DNAH1: variants seen among roughly 807,000 people sequenced by gnomAD.
DNAH1 encodes the protein dynein axonemal heavy chain 1.
A neutral mutation model predicts 484.3 loss-of-function variants in DNAH1; 327 were observed. That is an observed-to-expected ratio of 0.68 (90% confidence interval 0.62 to 0.74). The LOEUF (loss-of-function observed/expected upper bound fraction) is 0.74, where lower values mean the gene tolerates loss of function less well. Ranked by LOEUF, DNAH1 falls within the 30% of genes least tolerant of loss-of-function variation. DNAH1 has a pLI of 0.00. For synonymous variants in DNAH1, 2,192 were observed against 2,191.9 expected (o/e 1.00, Z 0.00); for missense variants, 5,052 against 5,546.8 (o/e 0.91, Z 2.83).
Position 52,361,682 on chromosome 3 carries a change from C to T in DNAH1, c.4896C>T (p.Phe1632=), listed in dbSNP as rs1299206522. The change falls in exon 30 of 78, where the codon TTC becomes TTT. Residue 1632 remains phenylalanine (F), a synonymous_variant. Transcript: ENST00000420323. The surrounding 1 kb of genome is among the most constrained non-coding windows in gnomAD (Gnocchi z 5.6). ...TCAGTGCTGGGGCCTGGGCCTGCTT[C>T]GACGAGTTCAATCGCATCGACATCG... ...GLASAGAWAC[F]DEFNRIDIEV... is the part of the protein sequence containing the mutation. 2 of 1,608,756 alleles carry T rather than the reference C, an allele frequency of 1.2e-6. No individual in the cohort carries two copies. The highest frequency in any genetic ancestry group is 2.7e-5 in the African/African-American group (2 of 74,944).
At chr3:52,344,202 C>T (rs1340197557) in intron 8 of DNAH1, among the ~76,000 whole-genome samples, 1 of 152,194 alleles carries the variant, frequency 6.6e-6, no homozygotes, top group East Asian at 1.9e-4. Context: ...ACTTCCTGCA[C>T]CCCGTCCCAC....
intron 52 of DNAH1, among the ~76,000 whole-genome samples, chr3:52,384,542 G>A (rs1019212754): frequency 6.6e-6 from 1 of 152,194 alleles, no homozygotes. Flanking sequence ...TTCAAAGCCA[G>A]CCCAGCCCTT....
In DNAH1 at chr3:52,362,986, G is replaced by T. The variant is rs761395939; in HGVS notation, c.5095-9G>T. On this transcript the variant is annotated splice_polypyrimidine_tract_variant and intron_variant, in intron 31 of 77. Transcript: ENST00000420323. The surrounding 1 kb of genome is among the most constrained non-coding windows in gnomAD (Gnocchi z 5.1). ...TGTTTGCTGTTCACATGTGCACTGT[G>T]TGTCCCAGGCGCTCTTCCGACCCGT... The T allele has an allele frequency of 1.1e-4, 175 of 1,613,444 alleles. No homozygotes were observed. Among genetic ancestry groups the T allele is most frequent in the Non-Finnish European group, 1.5e-4 (172 of 1,179,750 alleles).
In DNAH1 at chr3:52,323,880, G is replaced by C; in HGVS notation, c.406G>C (p.Val136Leu). 1.3e-6 allele frequency: 2 copies of C among 1,572,264 alleles called. No homozygotes were observed. Among genetic ancestry groups the C allele is most frequent in the Non-Finnish European group, 1.7e-6 (2 of 1,158,562 alleles). Residue 136 changes from valine (V) to leucine (L), a missense_variant and splice_region_variant, in exon 3 of 78, where the codon GTC becomes CTC. Physicochemically the swap from Val to Leu is conservative, Grantham distance 32. Around this residue, in one of 4 missense-constraint regions of DNAH1, gnomAD observed 1,263 missense variants for 1,218.8 expected, o/e 1.04. Transcript: ENST00000420323. ...QADLDKFTPR[V>L]GSFEVPEDFQ... ...TGACCTTGACAAGTTCACCCCAAGA[G>C]GTCAGTGCTCAGGAGGGCTGTGTGA...
chr3:52,321,179 C>T (rs189009049), intron 1 of DNAH1, among the ~76,000 whole-genome samples: 3 of 144,410 alleles, frequency 2.1e-5, no homozygotes, highest in East Asian at 2.1e-4. Context: ...TGCAATGGCG[C>T]GATCTGAGTT....
At position 52,322,596 on chromosome 3, in the gene DNAH1, C is replaced by T. The variant is rs1278958124; in HGVS notation, c.154C>T (p.Pro52Ser). ...AGGATCAGACTATGGGTTGGGAAAT[C>T]CTCCAGCCCTTGACCCCAAGCTCCC... ...LPGSDYGLGNPPALDPKLPHL... is the reference protein window; with the variant it reads ...LPGSDYGLGNSPALDPKLPHL... Residue 52 changes from proline to serine, a missense_variant, in exon 2 of 78, where the codon CCT becomes TCT. Around this residue, in one of 4 missense-constraint regions of DNAH1, gnomAD observed 1,263 missense variants for 1,218.8 expected, o/e 1.04. Coordinates refer to ENST00000420323, the MANE Select transcript of DNAH1 (RefSeq NM_015512.5). The T allele has an allele frequency of 3.1e-6, 5 of 1,613,770 alleles. No homozygotes were observed. Among genetic ancestry groups the T allele is most frequent in the South Asian group, 1.1e-5 (1 of 91,084 alleles).
Position 52,393,314 on chromosome 3 carries a change from A to G in DNAH1, c.10475-20A>G. ...CTTCCTCTCACCTCTCCGCGCTGCCATCACTTCTCCACTCCACAGACAACC... is the reference window on the plus strand; with the variant it reads ...CTTCCTCTCACCTCTCCGCGCTGCCGTCACTTCTCCACTCCACAGACAACC... On this transcript the variant is annotated intron_variant, in intron 65 of 77. Coordinates refer to ENST00000420323, the MANE Select transcript of DNAH1 (RefSeq NM_015512.5). 2.5e-6 allele frequency: 4 copies of G among 1,612,822 alleles called. No individual in the cohort carries two copies. The highest frequency in any genetic ancestry group is 3.4e-6 in the Non-Finnish European group (4 of 1,178,888).
chr3:52,365,853 G>T (rs1300470084), intron 34 of DNAH1, among the ~76,000 whole-genome samples: 1 of 152,196 alleles, frequency 6.6e-6, no homozygotes, highest in African/African-American at 2.4e-5. Context: ...ACCCTAGCAG[G>T]CTTGTTGAAT....
chr3:52,396,559 G>T, intron 71 of DNAH1, 21 bp downstream of exon 71: 1 of 1,611,994 alleles, frequency 6.2e-7, no homozygotes, highest in Non-Finnish European at 8.5e-7. Context: ...CTTGGTGCAG[G>T]CCTACCCTAC....
At chr3:52,393,534 G>A in intron 66 of DNAH1, 49 bp downstream of exon 66, 1 of 1,606,216 alleles carries the variant, frequency 6.2e-7, no homozygotes, top group Admixed American at 1.7e-5. Context: ...TGGCCCTGTG[G>A]CAGGGCCTGA....
chr3:52,395,534 C>T lies in DNAH1; in HGVS notation c.11128-13C>T, dbSNP rs1328432982. 2.5e-6 allele frequency: 4 copies of T among 1,613,470 alleles called. No individual in the cohort carries two copies. The South Asian group carries it at 3.3e-5, about 13-fold the overall frequency. ...GCAAGCTGGCCCCCTGCTCAGTGCT[C>T]TTGCCCCTGCAGGGCCCTCGGGCAG... On this transcript the variant is annotated splice_polypyrimidine_tract_variant and intron_variant, in intron 69 of 77. Coordinates refer to ENST00000420323, the MANE Select transcript of DNAH1 (RefSeq NM_015512.5). This position sits in a 1 kb window ranked among gnomAD's most constrained non-coding sequence, Gnocchi z 4.4.
In DNAH1 at chr3:52,366,493, C is replaced by T. The variant is rs749418709; in HGVS notation, c.5555C>T (p.Thr1852Met). 10 of 1,602,892 alleles carry T rather than the reference C, an allele frequency of 6.2e-6. No homozygotes were observed. Among genetic ancestry groups the T allele is most frequent in the African/African-American group, 4.0e-5 (3 of 74,622 alleles). ...LTKCIQLYET[T>M]VVRHGLMLVG... ...AAGTGCATCCAGCTCTACGAGACCA[C>T]GGTGGTACGACACGGCCTCATGCTC... Residue 1852 changes from threonine to methionine, a missense_variant, in exon 35 of 78, where the codon ACG (threonine) becomes ATG (methionine). By Grantham distance (81) the Thr-to-Met change is moderately conservative. Around this residue, in one of 4 missense-constraint regions of DNAH1, gnomAD observed 2,929 missense variants for 3,409.4 expected, o/e 0.86. Transcript: ENST00000420323.
chr3:52,325,739 ATATGCTGAGGGGGCCTCTGCAG>A lies in DNAH1; in HGVS notation c.407-398_407-377del, dbSNP rs2153222995. Among the ~76,000 whole-genome samples the A allele has an allele frequency of 2.0e-5, 3 of 152,284 alleles. No homozygotes were observed. In the South Asian group the frequency reaches 6.2e-4, roughly 32 times the overall value. On this transcript the variant is annotated intron_variant, in intron 3 of 77. Coordinates refer to ENST00000420323, the MANE Select transcript of DNAH1 (RefSeq NM_015512.5). ...CTCAGGGAATGAATATCAGACTCCA[ATATGCTGAGGGGGCCTCTGCAG>A]TAGGGGTGGGAGGAGACCATCCCAT... is the stretch of plus-strand genomic sequence containing the variant.
At chr3:52,386,009 A>C (rs1704088665) in intron 54 of DNAH1, 151 bp from the exon 55 acceptor site, 1 of 878,818 alleles carries the variant, frequency 1.1e-6, no homozygotes, top group African/African-American at 1.7e-5. Flanking sequence ...CAGGAGGTGG[A>C]AGGGGCTCCT....
intron 8 of DNAH1, among the ~76,000 whole-genome samples, chr3:52,343,448 C>T (rs1004815591): frequency 1.5e-4 from 23 of 151,976 alleles, no homozygotes; most frequent in African/African-American, 3.9e-4. Context: ...TTCTGAGTTC[C>T]GGATGAAATT....
In DNAH1 at chr3:52,396,229, A is replaced by G. The variant is rs377622547; in HGVS notation, c.11260-139A>G. ...ATTACAGACGTGAGCCACCGCGCCCAGCCAAAAGCCCAATTCTTAACCAGT... is the reference window on the plus strand; with the variant it reads ...ATTACAGACGTGAGCCACCGCGCCCGGCCAAAAGCCCAATTCTTAACCAGT... On this transcript the variant is annotated intron_variant, in intron 70 of 77. Transcript: ENST00000420323. 1.8e-4 allele frequency: 172 copies of G among 970,472 alleles called. 1 individual carries two copies. Among genetic ancestry groups the G allele is most frequent in the East Asian group, 8.2e-4 (31 of 37,890 alleles). 60.1% of individuals were successfully genotyped at this position (970,472 alleles called of 1,614,324 possible). A position where few individuals can be genotyped will look rare whatever the true frequency, so the allele number is the denominator to read the frequency against.
In DNAH1 at chr3:52,383,571, C is replaced by T. The variant is rs1298690737; in HGVS notation, c.8127C>T (p.Asn2709=). 7 of 1,600,124 alleles carry T rather than the reference C, an allele frequency of 4.4e-6. No individual in the cohort carries two copies. The highest frequency in any genetic ancestry group is 1.7e-4 in the Middle Eastern group (1 of 6,028). ...MAAYTGRVRS[N]IHMVLCMSPI... is the part of the protein sequence containing the mutation. ...CTTACACAGGGCGTGTGCGCAGCAA[C>T]ATCCACATGGTGCTGTGCATGAGGT... The change falls in exon 51 of 78, where the codon AAC becomes AAT. Residue 2709 remains asparagine, a synonymous_variant. Transcript: ENST00000420323.
chr3:52,346,606 C>T lies in DNAH1; in HGVS notation c.1791C>T (p.Arg597=), dbSNP rs757258981. ...AGGTGTACCTCATGTCCAAGCTGCGCAAGCTGATGGAGCTGGTGAAGTACA... is the reference window on the plus strand; with the variant it reads ...AGGTGTACCTCATGTCCAAGCTGCGTAAGCTGATGGAGCTGGTGAAGTACA... ...NWEVYLMSKL[R]KLMELVKYML... Residue 597 remains arginine (R), a synonymous_variant, in exon 11 of 78, where the codon CGC becomes CGT. Coordinates refer to ENST00000420323, the MANE Select transcript of DNAH1 (RefSeq NM_015512.5). The T allele has an allele frequency of 2.5e-6, 4 of 1,614,054 alleles. No homozygotes were observed.
Position 52,368,604 on chromosome 3 carries a change from T to C in DNAH1, c.5766-137T>C. ...CACCAAAAAAATCCCACTTTTCCTA[T>C]TATAATTTTTAAAAGAACAAAGAGA... On this transcript the variant is annotated intron_variant, in intron 36 of 77. Coordinates refer to ENST00000420323, the MANE Select transcript of DNAH1 (RefSeq NM_015512.5). This position sits in a 1 kb window ranked among gnomAD's most constrained non-coding sequence, Gnocchi z 4.4. 14 of 927,338 alleles carry C rather than the reference T, an allele frequency of 1.5e-5. No homozygotes were observed. In the South Asian group the frequency reaches 2.0e-4, roughly 14 times the overall value. The allele number at this position is 927,338 out of a possible 1,614,324, so 57.4% of individuals were successfully genotyped here.
Sources: gnomAD v4.1 joint callset for allele counts (sites outside exome capture counted in the v4.1 genomes callset) on GRCh38, gnomAD v4.1.1 for gene constraint, gnomAD v4.1.1 regional missense constraint, Gnocchi (gnomAD v3.1) non-coding constraint, MANE v1.5 for transcripts, NCBI Gene and HGNC (gene_info 2026-07-23, HGNC 2026-07-21) for gene names.